Variants in RORA observed in about 807,000 individuals in gnomAD.
RORA encodes the protein RAR related orphan receptor A.
RORA carries 7 observed loss-of-function variants against 69.5 expected under a neutral mutation model. The observed-to-expected ratio is 0.10, with a 90% confidence interval of 0.06 to 0.19. The LOEUF is 0.19. Ranked by LOEUF, RORA falls within the 10% of genes least tolerant of loss-of-function variation. The pLI is 1.00. For synonymous variants in RORA, 261 were observed against 240.8 expected, an observed-to-expected ratio of 1.08 and a Z score of -0.78; for missense variants, 457 against 663.0, an observed-to-expected ratio of 0.69 and a Z score of 3.41.
At chr15:60,541,038 A>G (rs1413712389) in intron 2 of RORA, among the ~76,000 whole-genome samples, 2 of 152,192 alleles carry the variant, frequency 1.3e-5, no homozygotes, top group African/African-American at 4.8e-5. Context: ...CTTAGAATTA[A>G]TAAGAGGATG....
intron 2 of RORA, among the ~76,000 whole-genome samples, chr15:60,539,212 T>C (rs2141488854): frequency 6.6e-6 from 1 of 152,334 alleles, no homozygotes; most frequent in South Asian, 2.1e-4. Flanking sequence ...AGGAAATCTC[T>C]GAAGAATAAG....
At position 61,147,803 on chromosome 15, in the gene RORA, T is replaced by A. The variant is rs1018250817; in HGVS notation, c.166+81250A>T. 2.0e-4 allele frequency among the ~76,000 whole-genome samples: 15 copies of A among 74,660 alleles called. No homozygotes were observed. Among genetic ancestry groups the A allele is most frequent in the African/African-American group, 4.6e-4 (13 of 28,538 alleles). 49.0% of individuals were successfully genotyped at this position (74,660 alleles called of 152,430 possible). A position where few individuals can be genotyped will look rare whatever the true frequency, so the allele number is the denominator to read the frequency against. Reference sequence around the variant, plus strand: ...TGTGTGTGTGTGTGTGTGAAATCTTTAGGTTTTTTTACCTGCCTCCTTCAC... The same window carrying A: ...TGTGTGTGTGTGTGTGTGAAATCTTAAGGTTTTTTTACCTGCCTCCTTCAC... On this transcript the variant is annotated intron_variant, in intron 1 of 10. Coordinates refer to ENST00000335670, the MANE Select transcript of RORA (RefSeq NM_134261.3). The surrounding 1 kb of genome is among the most constrained non-coding windows in gnomAD (Gnocchi z 4.1).
At chr15:60,960,920 C>G (rs1893399203) in intron 1 of RORA, among the ~76,000 whole-genome samples, 1 of 152,160 alleles carries the variant, frequency 6.6e-6, no homozygotes, top group Non-Finnish European at 1.5e-5. Context: ...CATGTCATAA[C>G]TGGGAAACTG....
chr15:60,623,679 T>G (rs1013375843), intron 2 of RORA, among the ~76,000 whole-genome samples: 60 of 152,304 alleles, frequency 3.9e-4, no homozygotes, highest in Middle Eastern at 6.8e-3. Context: ...TACCGCTTTA[T>G]GTGAATATGG....
chr15:60,592,520 C>T, intron 2 of RORA: 2 of 1,293,382 alleles, frequency 1.5e-6, no homozygotes, highest in Non-Finnish European at 2.0e-6. Flanking sequence ...CAGCAGCTGC[C>T]GCAGCTGCCC....
rs1024527758 is a variant in RORA at position 61,004,957 on chromosome 15, T to C, written c.166+224096A>G. Among the ~76,000 whole-genome samples, 8 of 152,350 alleles carry C rather than the reference T, an allele frequency of 5.3e-5. No individual in the cohort carries two copies. The East Asian group carries it at 1.5e-3, about 29-fold the overall frequency. ...CTCTTATGTCTATTCAAAGTTGGAATAGAAATGAGTAGTCTTTCTGGAGTT... is the reference window on the plus strand; with the variant it reads ...CTCTTATGTCTATTCAAAGTTGGAACAGAAATGAGTAGTCTTTCTGGAGTT... On this transcript the variant is annotated intron_variant, in intron 1 of 10. Transcript: ENST00000335670.
chr15:61,014,276 TAC>T (rs1895202680), intron 1 of RORA, among the ~76,000 whole-genome samples: 1 of 152,218 alleles, frequency 6.6e-6, no homozygotes, highest in Non-Finnish European at 1.5e-5. Context: ...TTGAGATTAT[TAC>T]AGTGTATTTG....
intron 1 of RORA, among the ~76,000 whole-genome samples, chr15:60,995,817 G>A (rs1468479665): frequency 1.3e-5 from 2 of 152,098 alleles, no homozygotes; most frequent in African/African-American, 4.8e-5. Context: ...CACAGAGTAT[G>A]AATATGAAAA....
At chr15:60,757,306 T>C (rs1031412636) in intron 1 of RORA, among the ~76,000 whole-genome samples, 1 of 152,102 alleles carries the variant, frequency 6.6e-6, no homozygotes, top group African/African-American at 2.4e-5. Context: ...CTCAAATCCA[T>C]AAACATTATC....
chr15:60,561,082 G>GT (rs571970599), intron 2 of RORA, among the ~76,000 whole-genome samples: 6,145 of 121,842 alleles, frequency 0.05, 417 homozygotes, highest in African/African-American at 0.14. Context: ...TTTTGTTTTT[G>GT]TTTTTTTTTT....
chr15:60,712,698 C>T (rs1036703509), intron 1 of RORA, among the ~76,000 whole-genome samples: 2 of 152,198 alleles, frequency 1.3e-5, no homozygotes, highest in African/African-American at 4.8e-5. Flanking sequence ...GCACAAGACT[C>T]AACACAGTCC....
rs1302182251 is a variant in RORA at position 60,516,290 on chromosome 15, G to T, written c.283-1533C>A. On this transcript the variant is annotated intron_variant, in intron 3 of 10. Transcript: ENST00000335670. ...ATATATTTTTTTTGGTCGAGATGGGGGTCTCGCTGTGTTGTCCAGGCCTGT... is the reference window on the plus strand; with the variant it reads ...ATATATTTTTTTTGGTCGAGATGGGTGTCTCGCTGTGTTGTCCAGGCCTGT... 3.7e-5 allele frequency among the ~76,000 whole-genome samples: 4 copies of T among 106,906 alleles called. No homozygotes were observed. The Admixed American group carries it at 3.9e-4, about 10-fold the overall frequency. 70.1% of individuals were successfully genotyped at this position (106,906 alleles called of 152,430 possible).
At chr15:60,533,160 C>T (rs762057054) in intron 2 of RORA, among the ~76,000 whole-genome samples, 1 of 152,142 alleles carries the variant, frequency 6.6e-6, no homozygotes, top group Non-Finnish European at 1.5e-5. Flanking sequence ...CTGCTAACTC[C>T]CTTTCTCAGG....
intron 1 of RORA, among the ~76,000 whole-genome samples, chr15:60,858,353 G>A (rs1010086062): frequency 2.0e-5 from 3 of 152,196 alleles, no homozygotes; most frequent in East Asian, 1.9e-4. Flanking sequence ...GCAAAAACAC[G>A]TTCTGGGTCT....
intron 1 of RORA, among the ~76,000 whole-genome samples, chr15:61,083,476 ATCTGAGGCTGAAATC>A (rs1334945426): frequency 1.3e-5 from 2 of 152,094 alleles, no homozygotes; most frequent in African/African-American, 4.8e-5. Flanking sequence ...GTCCCTCTGA[ATCTGAGGCTGAAATC>A]TCTCCATGTT....
At chr15:60,925,058 G>A (rs565955592) in intron 1 of RORA, among the ~76,000 whole-genome samples, 3 of 151,500 alleles carry the variant, frequency 2.0e-5, no homozygotes, top group African/African-American at 7.3e-5. Flanking sequence ...CAGCCTGGGT[G>A]ACAGAGCAAG....
chr15:60,924,124 G>A (rs1389051552), intron 1 of RORA, among the ~76,000 whole-genome samples: 1 of 152,124 alleles, frequency 6.6e-6, no homozygotes, highest in East Asian at 1.9e-4. Context: ...TACCCCATGT[G>A]TAGCATTCCA....
rs746300404 is a variant in RORA at position 60,496,730 on chromosome 15, T to G, written c.*725A>C. ...AAGCCTTCTCAGTTAAACTTGTGTT[T>G]CTGGTGCACATGCGACACGACAGTG... On this transcript the variant is annotated 3_prime_UTR_variant, in exon 11 of 11. Transcript: ENST00000335670. This position sits in a 1 kb window ranked among gnomAD's most constrained non-coding sequence, Gnocchi z 4.5. 7.9e-5 allele frequency: 12 copies of G among 152,214 alleles called. No individual in the cohort carries two copies. The highest frequency in any genetic ancestry group is 1.3e-4 in the Non-Finnish European group (9 of 68,038). The allele number at this position is 152,214 out of a possible 1,614,324, so 9.4% of individuals were successfully genotyped here. A position where few individuals can be genotyped will look rare whatever the true frequency, so the allele number is the denominator to read the frequency against.
chr15:61,066,418 C>CTTTTTTTT (rs1168663714), intron 1 of RORA, among the ~76,000 whole-genome samples: 26 of 80,970 alleles, frequency 3.2e-4, no homozygotes, highest in South Asian at 4.5e-4. Context: ...GGGCATATTC[C>CTTTTTTTT]TTTTTTTTTT....
Sources: gnomAD v4.1 joint callset for allele counts (sites outside exome capture counted in the v4.1 genomes callset) on GRCh38, gnomAD v4.1.1 for gene constraint, Gnocchi (gnomAD v3.1) non-coding constraint, MANE v1.5 for transcripts, NCBI Gene and HGNC (gene_info 2026-07-23, HGNC 2026-07-21) for gene names.